The following DAPK2 variants were observed in gnomAD, a reference collection of about 807,000 sequenced individuals.
DAPK2 encodes death associated protein kinase 2, also known as death-associated protein kinase 2.
A neutral mutation model predicts 44.1 loss-of-function variants in DAPK2; 35 were observed. The observed-to-expected ratio is 0.79, with a 90% CI of 0.61 to 1.05. The LOEUF (loss-of-function observed/expected upper bound fraction) is 1.05, where lower values mean the gene tolerates loss of function less well. Among genes scored for constraint, DAPK2 ranks in the 50% least tolerant of loss-of-function variants. The pLI is 0.00. For missense variants in DAPK2, 453 were observed against 483.2 expected (o/e 0.94, Z 0.59); for synonymous variants, 174 against 182.6 (o/e 0.95, Z 0.38).
intron 8 of DAPK2, among the ~76,000 whole-genome samples, chr15:63,915,002 A>G (rs2078890681): frequency 6.6e-6 from 1 of 152,178 alleles, no homozygotes; most frequent in Admixed American, 6.5e-5. Context: ...GCAGATACCA[A>G]AATCCATGGA....
At chr15:64,044,201 G>A (rs2080409555), upstream of DAPK2, among the ~76,000 whole-genome samples, 1 of 152,140 alleles carries the variant, frequency 6.6e-6, no homozygotes, top group Non-Finnish European at 1.5e-5. Flanking sequence ...CAGGCCATCA[G>A]CTCCAGATGC....
intron 4 of DAPK2, among the ~76,000 whole-genome samples, chr15:63,938,394 G>A (rs2077219364): frequency 6.6e-6 from 1 of 152,350 alleles, no homozygotes; most frequent in East Asian, 1.9e-4. Context: ...AGGGCTTCCT[G>A]CCCTGGGATC....
chr15:63,952,258 T>G (rs1258304364), intron 3 of DAPK2, among the ~76,000 whole-genome samples: 1 of 152,090 alleles, frequency 6.6e-6, no homozygotes, highest in Non-Finnish European at 1.5e-5. Context: ...AAAAAAAAGT[T>G]TGTACAAAGA....
intron 3 of DAPK2, among the ~76,000 whole-genome samples, chr15:63,948,398 A>AG (rs2077506193): frequency 6.6e-6 from 1 of 151,350 alleles, no homozygotes; most frequent in South Asian, 2.1e-4. Flanking sequence ...CAGAAGGTGA[A>AG]GGGAAAGCAG....
intron 1 of DAPK2, among the ~76,000 whole-genome samples, chr15:64,033,287 GGGAAGGAAGGAAGGAA>G (rs1242064152): frequency 2.0e-5 from 1 of 51,176 alleles, no homozygotes; most frequent in Non-Finnish European, 4.5e-5. Flanking sequence ...AGGGGGAAGG[GGGAAGGAAGGAAGGAA>G]GGAAGGAAGG....
At chr15:64,008,750 G>A (rs920676687) in intron 1 of DAPK2, among the ~76,000 whole-genome samples, 3 of 152,186 alleles carry the variant, frequency 2.0e-5, no homozygotes, top group Admixed American at 6.5e-5. Context: ...ACAAATAGTT[G>A]AGTGAAACTT....
Position 64,020,470 on chromosome 15 carries a change from A to G in DAPK2, c.92+19700T>C, listed in dbSNP as rs138016931. ...TTAAGGTGATACCATGGCATCATCA[A>G]TTCTCTTGCCTCTTGCTGTCATTTA... is the stretch of plus-strand genomic sequence containing the variant. On this transcript the variant is annotated intron_variant, in intron 1 of 10. Coordinates refer to ENST00000261891, the Ensembl canonical transcript of DAPK2. The surrounding 1 kb of genome is among the most constrained non-coding windows in gnomAD (Gnocchi z 4.5). Among the ~76,000 whole-genome samples the G allele has an allele frequency of 1.2e-3, 178 of 152,270 alleles. No individual in the cohort carries two copies. The highest frequency in any genetic ancestry group is 3.6e-3 in the Admixed American group (55 of 15,290).
chr15:63,988,431 C>T (rs60400418), intron 1 of DAPK2, among the ~76,000 whole-genome samples: 15 of 152,046 alleles, frequency 9.9e-5, no homozygotes, highest in Non-Finnish European at 1.9e-4. Context: ...ATAAACAGGG[C>T]ATGAACCAAA....
intron 1 of DAPK2, among the ~76,000 whole-genome samples, chr15:64,024,049 TG>T (rs1482464715): frequency 6.6e-6 from 1 of 152,124 alleles, no homozygotes; most frequent in Non-Finnish European, 1.5e-5. Flanking sequence ...GTAGCAGATT[TG>T]GGGCCTAGGC....
upstream of DAPK2, among the ~76,000 whole-genome samples, chr15:64,043,618 G>A (rs561987867): frequency 3.3e-5 from 5 of 152,266 alleles, no homozygotes; most frequent in South Asian, 4.2e-4. Flanking sequence ...GGGGAGCTTC[G>A]GAGGCTTCAG....
intron 1 of DAPK2, among the ~76,000 whole-genome samples, chr15:64,011,470 A>G (rs1184411515): frequency 3.9e-5 from 6 of 152,220 alleles, no homozygotes; most frequent in African/African-American, 1.4e-4. Context: ...CTGAGGCAGG[A>G]GAATCGCTTA....
intron 3 of DAPK2, among the ~76,000 whole-genome samples, chr15:63,958,447 G>A (rs929384644): frequency 2.0e-5 from 3 of 152,158 alleles, no homozygotes; most frequent in African/African-American, 7.2e-5. Context: ...GGCCTGAATG[G>A]TATTGCCTAG....
chr15:63,971,446 T>C (rs1451269491), exon 3 of DAPK2: 2 of 1,614,230 alleles, frequency 1.2e-6, no homozygotes, highest in Non-Finnish European at 1.7e-6. Context: ...TGAGCAATTT[T>C]CTTTGTGTGA....
intron 1 of DAPK2, among the ~76,000 whole-genome samples, chr15:63,989,970 A>G (rs1254973789): frequency 1.3e-5 from 2 of 152,118 alleles, no homozygotes; most frequent in Non-Finnish European, 2.9e-5. Context: ...GGGATTACAG[A>G]CATGAGCCAC....
intron 8 of DAPK2, chr15:63,921,412 G>A (rs2079068301): frequency 6.6e-6 from 1 of 152,232 alleles, no homozygotes; most frequent in Non-Finnish European, 1.5e-5. Context: ...CTGCCTCTAA[G>A]ATAGGGATGT....
chr15:63,961,991 A>G lies in DAPK2; in HGVS notation c.453+9432T>C, dbSNP rs2077914582. On this transcript the variant is annotated intron_variant, in intron 3 of 10. Coordinates refer to ENST00000261891, the Ensembl canonical transcript of DAPK2. ...ACTTTCAGGTACACTAATCAAACGT[A>G]GATTTGGTCTTTTCACGTAGTCCAT... Among the ~76,000 whole-genome samples the G allele has an allele frequency of 2.0e-5, 3 of 152,166 alleles. No homozygotes were observed. In the South Asian group the frequency reaches 6.2e-4, roughly 32 times the overall value.
intron 1 of DAPK2, among the ~76,000 whole-genome samples, chr15:64,008,013 G>C (rs1212387457): frequency 6.6e-6 from 1 of 152,202 alleles, no homozygotes; most frequent in Non-Finnish European, 1.5e-5. Context: ...CCTAGGGCTA[G>C]TGGGTTTGGG....
intron 5 of DAPK2, chr15:63,929,913 T>C (rs1187409101): frequency 1.5e-5 from 7 of 471,408 alleles, no homozygotes; most frequent in African/African-American, 1.4e-4. Flanking sequence ...ACAGGACTGT[T>C]GGCAGGATTT....
intron 1 of DAPK2, among the ~76,000 whole-genome samples, chr15:63,988,460 A>C (rs751930337): frequency 2.0e-5 from 3 of 151,850 alleles, no homozygotes; most frequent in African/African-American, 4.8e-5. Flanking sequence ...CACGGGATCA[A>C]TTTTGTATAG....
Sources: allele counts gnomAD v4.1 joint callset (sites outside exome capture counted in the v4.1 genomes callset), GRCh38; gene constraint gnomAD v4.1.1; non-coding constraint Gnocchi (gnomAD v3.1); transcripts MANE v1.5; gene names NCBI Gene and HGNC (gene_info 2026-07-23, HGNC 2026-07-21).